The following AAR2 variants were observed in gnomAD, a reference collection of about 807,000 sequenced individuals.
AAR2 encodes AAR2 splicing factor.
In AAR2, 31 loss-of-function variants were observed where a neutral mutation model predicts 26.9. The observed-to-expected ratio is 1.15, with a 90% CI of 0.86 to 1.55. The LOEUF is 1.55. Among genes scored for constraint, AAR2 ranks in the 40% most tolerant of loss-of-function variants. The pLI, the probability that AAR2 is intolerant of heterozygous loss-of-function variation, is 0.00. For synonymous variants in AAR2, 188 were observed against 196.1 expected (o/e 0.96, Z 0.34); for missense variants, 430 against 491.3 (o/e 0.88, Z 1.18).
Position 36,256,908 on chromosome 20 carries a change from A to G in AAR2, c.*1163A>G, listed in dbSNP as rs2064826580. On this transcript the variant is annotated 3_prime_UTR_variant, in exon 4 of 4. Coordinates refer to ENST00000320849, the MANE Select transcript of AAR2 (RefSeq NM_001271874.2). ...AGATGTTTTTCCAAGAGCATAATGTACATTAAAGTCTTCGAGTTGAGACAA... is the reference window on the plus strand; with the variant it reads ...AGATGTTTTTCCAAGAGCATAATGTGCATTAAAGTCTTCGAGTTGAGACAA... 2 of 152,674 alleles carry G rather than the reference A, an allele frequency of 1.3e-5. No individual in the cohort carries two copies. The highest frequency in any genetic ancestry group is 1.3e-4 in the Admixed American group (2 of 15,286). 9.5% of individuals were successfully genotyped at this position (152,674 alleles called of 1,614,324 possible). A position where few individuals can be genotyped will look rare whatever the true frequency, so the allele number is the denominator to read the frequency against.
intron 1 of AAR2, among the ~76,000 whole-genome samples, chr20:36,237,253 A>G (rs2064619176): frequency 6.6e-6 from 1 of 152,208 alleles, no homozygotes; most frequent in African/African-American, 2.4e-5. Flanking sequence ...CTGGTTTTTC[A>G]AGAACCATAT....
intron 3 of AAR2, among the ~76,000 whole-genome samples, chr20:36,253,230 G>A (rs1014947776): frequency 2.0e-5 from 3 of 152,176 alleles, no homozygotes; most frequent in Non-Finnish European, 2.9e-5. Context: ...TGCAGAGGAC[G>A]CCTGTTGCCT....
At chr20:36,255,515 C>T in intron 3 of AAR2, 63 bp from the exon 4 acceptor site, 1 of 1,587,158 alleles carries the variant, frequency 6.3e-7, no homozygotes, top group Non-Finnish European at 8.6e-7. Context: ...AGGAAATTTC[C>T]ACAGCTTTCT....
intron 2 of AAR2, among the ~76,000 whole-genome samples, chr20:36,244,303 G>A (rs2064712415): frequency 6.6e-6 from 1 of 152,194 alleles, no homozygotes; most frequent in Non-Finnish European, 1.5e-5. Flanking sequence ...AACCTCTGAG[G>A]GTGAAGCTTG....
chr20:36,253,487 C>T (rs951527246), intron 3 of AAR2, among the ~76,000 whole-genome samples: 2 of 152,128 alleles, frequency 1.3e-5, no homozygotes, highest in Admixed American at 6.5e-5. Context: ...TGTATCTTTC[C>T]AGGGTATTGG....
In AAR2 at chr20:36,240,006, G is replaced by A; in HGVS notation, c.138G>A (p.Arg46=). The change falls in exon 2 of 4, where the codon CGG becomes CGA. Residue 46 remains arginine, a synonymous_variant. Coordinates refer to ENST00000320849, the MANE Select transcript of AAR2 (RefSeq NM_001271874.2). ...YNSWEVGPKF[R]GVKMIPPGIH... Reference sequence around the variant, plus strand: ...CCTGGGAGGTCGGGCCCAAGTTCCGGGGCGTGAAGATGATCCCTCCAGGCA... The same window carrying A: ...CCTGGGAGGTCGGGCCCAAGTTCCGAGGCGTGAAGATGATCCCTCCAGGCA... 6.2e-7 allele frequency: 1 copy of A among 1,614,222 alleles called. No homozygotes were observed.
chr20:36,242,823 G>A (rs974214039), intron 2 of AAR2, among the ~76,000 whole-genome samples: 6 of 149,696 alleles, frequency 4.0e-5, no homozygotes, highest in South Asian at 2.1e-4. Flanking sequence ...TATATCTTGC[G>A]AAAAGGTCTG....
At position 36,255,567 on chromosome 20, in the gene AAR2, G is replaced by A; in HGVS notation, c.988-11G>A. 6.2e-7 allele frequency: 1 copy of A among 1,614,156 alleles called. No homozygotes were observed. The highest frequency in any genetic ancestry group is 8.5e-7 in the Non-Finnish European group (1 of 1,179,992). ...TCTTCTCAGGAGTGACTTATCCTCTGTTCTCTGTAGGTTTTCTTTTCCTCT... is the reference window on the plus strand; with the variant it reads ...TCTTCTCAGGAGTGACTTATCCTCTATTCTCTGTAGGTTTTCTTTTCCTCT... On this transcript the variant is annotated splice_polypyrimidine_tract_variant and intron_variant, in intron 3 of 3. Coordinates refer to ENST00000320849, the MANE Select transcript of AAR2 (RefSeq NM_001271874.2).
At chr20:36,251,177 C>CA (rs2064777402) in intron 3 of AAR2, among the ~76,000 whole-genome samples, 1 of 150,474 alleles carries the variant, frequency 6.6e-6, no homozygotes, top group Non-Finnish European at 1.5e-5. Flanking sequence ...GCCTAGGTGA[C>CA]AGAGTGAGAC....
rs574780358 is a variant in AAR2 at position 36,239,685 on chromosome 20, A to G, written c.-48-136A>G. On this transcript the variant is annotated intron_variant, in intron 1 of 3. Coordinates refer to ENST00000320849, the MANE Select transcript of AAR2 (RefSeq NM_001271874.2). The stretch of plus-strand genomic sequence containing the variant: ...CTCGTTTTTCTCATCTGTAAACTCA[A>G]TGCAGGGTTGTCATGAGGATTAAGG... 39 of 704,648 alleles carry G rather than the reference A, an allele frequency of 5.5e-5. 1 individual carries two copies. The South Asian group carries it at 9.5e-4, about 17-fold the overall frequency. The allele number at this position is 704,648 out of a possible 1,614,324, so 43.6% of individuals were successfully genotyped here.
chr20:36,242,985 G>A (rs1475222129), intron 2 of AAR2, among the ~76,000 whole-genome samples: 1 of 150,620 alleles, frequency 6.6e-6, no homozygotes, highest in Non-Finnish European at 1.5e-5. Flanking sequence ...AGCCTCCCAA[G>A]TAGGTGGGAC....
intron 2 of AAR2, among the ~76,000 whole-genome samples, chr20:36,240,951 C>T (rs2064675096): frequency 2.0e-5 from 3 of 152,180 alleles, no homozygotes; most frequent in Admixed American, 2.0e-4. Context: ...GAGACGAGAA[C>T]CCAGGACTCT....
chr20:36,255,498 C>T, intron 3 of AAR2, 80 bp from the exon 4 acceptor site: 1 of 1,530,516 alleles, frequency 6.5e-7, no homozygotes, highest in South Asian at 1.2e-5. Context: ...AAGAGCCGAA[C>T]ACCATGAGGA....
intron 3 of AAR2, among the ~76,000 whole-genome samples, chr20:36,254,391 G>C (rs2147300649): frequency 6.6e-6 from 1 of 152,328 alleles, no homozygotes; most frequent in Non-Finnish European, 1.5e-5. Context: ...GCCTAGAGTA[G>C]TCAGATTCAT....
rs759501115 is a variant in AAR2 at position 36,255,640 on chromosome 20, G to T, written c.1050G>T (p.Lys350Asn). 3 of 1,614,198 alleles carry T rather than the reference G, an allele frequency of 1.9e-6. No individual in the cohort carries two copies. Among genetic ancestry groups the T allele is most frequent in the Non-Finnish European group, 2.5e-6 (3 of 1,180,032 alleles). ...CCACCCTGAGAAAGAAAGCTGAAAAGTTCCAAGCTCACCTGACCAAGAAGT... is the reference window on the plus strand; with the variant it reads ...CCACCCTGAGAAAGAAAGCTGAAAATTTCCAAGCTCACCTGACCAAGAAGT... ...VDATLRKKAE[K>N]FQAHLTKKFR... is the part of the protein sequence containing the mutation. Residue 350 changes from lysine (K) to asparagine (N), a missense_variant, in exon 4 of 4, where the codon AAG (lysine) becomes AAT (asparagine). Physicochemically the swap from Lys to Asn is moderately conservative, Grantham distance 94. Coordinates refer to ENST00000320849, the MANE Select transcript of AAR2 (RefSeq NM_001271874.2).
chr20:36,240,986 C>T (rs954583930), intron 2 of AAR2, among the ~76,000 whole-genome samples: 2 of 152,046 alleles, frequency 1.3e-5, no homozygotes, highest in Non-Finnish European at 2.9e-5. Flanking sequence ...GACCTGTGTT[C>T]GTTGTAGCCT....
Position 36,255,856 on chromosome 20 carries a change from G to C in AAR2, c.*111G>C, listed in dbSNP as rs936882146. On this transcript the variant is annotated 3_prime_UTR_variant, in exon 4 of 4. Transcript: ENST00000320849. ...CCTGCCAGGGCAGCAATCTCTCCAG[G>C]TCCTGCAAAGATGGAGCCAGAATTC... 2.3e-6 allele frequency: 3 copies of C among 1,319,086 alleles called. No individual in the cohort carries two copies. The highest frequency in any genetic ancestry group is 1.5e-5 in the African/African-American group (1 of 67,222). 81.7% of individuals were successfully genotyped at this position (1,319,086 alleles called of 1,614,324 possible).
chr20:36,245,059 C>G, intron 3 of AAR2, 133 bp downstream of exon 3: 1 of 792,740 alleles, frequency 1.3e-6, no homozygotes, highest in East Asian at 2.7e-5. Context: ...GGGATATTTC[C>G]TGCTTTTCTC....
Position 36,255,719 on chromosome 20 carries a change from C to T in AAR2, c.1129C>T (p.Leu377Phe). 1 of 1,614,136 alleles carries T rather than the reference C, an allele frequency of 6.2e-7. No homozygotes were observed. Among genetic ancestry groups the T allele is most frequent in the Non-Finnish European group, 8.5e-7 (1 of 1,180,024 alleles). ...PEDCAPVVVE[L>F]PEGIEMG is the part of the protein sequence containing the mutation. ...GGACTGTGCCCCGGTGGTGGTGGAG[C>T]TCCCTGAGGGCATCGAGATGGGCTA... Residue 377 changes from leucine (L) to phenylalanine (F), a missense_variant, in exon 4 of 4, where the codon CTC becomes TTC. Coordinates refer to ENST00000320849, the MANE Select transcript of AAR2 (RefSeq NM_001271874.2).
Sources: allele counts gnomAD v4.1 joint callset (sites outside exome capture counted in the v4.1 genomes callset), GRCh38; gene constraint gnomAD v4.1.1; transcripts MANE v1.5; gene names NCBI Gene and HGNC (gene_info 2026-07-23, HGNC 2026-07-21).